DNHD1: variants seen among roughly 807,000 people sequenced by gnomAD.
DNHD1 encodes dynein heavy chain domain 1.
DNHD1 carries 383 observed loss-of-function variants against 458.1 expected under a neutral mutation model. The ratio of observed to expected loss-of-function variants is 0.84; its 90% CI spans 0.77 to 0.91. The LOEUF (loss-of-function observed/expected upper bound fraction) is 0.91. Among genes scored for constraint, DNHD1 ranks in the 40% least tolerant of loss-of-function variants. The pLI, the probability that DNHD1 is intolerant of heterozygous loss-of-function variation, is 0.00. For synonymous variants in DNHD1, 2,203 were observed against 2,376.9 expected, an observed-to-expected ratio of 0.93 and a Z score of 2.13; for missense variants, 5,336 against 5,866.1, an observed-to-expected ratio of 0.91 and a Z score of 2.95.
Position 6,524,640 on chromosome 11 carries a change from T to A in DNHD1, c.1838-3882T>A, listed in dbSNP as rs1306610915. On this transcript the variant is annotated intron_variant, in intron 10 of 42. Coordinates refer to ENST00000254579, the MANE Select transcript of DNHD1 (RefSeq NM_144666.3). ...GCTATGGCAAGGGGATGTGTCATGGTGCAAAATAACTGGCTTTTAGCTATA... is the reference window on the plus strand; with the variant it reads ...GCTATGGCAAGGGGATGTGTCATGGAGCAAAATAACTGGCTTTTAGCTATA... Among the ~76,000 whole-genome samples the A allele has an allele frequency of 2.6e-5, 4 of 152,346 alleles. No homozygotes were observed. The South Asian group carries it at 8.3e-4, about 32-fold the overall frequency.
chr11:6,528,689 G>T lies in DNHD1; in HGVS notation c.2005G>T (p.Gly669Cys). The change falls in exon 11 of 43, where the codon GGC (glycine) becomes TGC (cysteine). Residue 669 changes from glycine (G) to cysteine (C), a missense_variant. Transcript: ENST00000254579. ...ILEVRGCRLR[G>C]QYFPHNYKQL... ...GGAGGTCCGTGGATGTCGGCTGCGG[G>T]GCCAATACTTCCCCCACAATTATAA... The T allele has an allele frequency of 2.2e-5, 34 of 1,551,686 alleles. No homozygotes were observed. Among genetic ancestry groups the T allele is most frequent in the Non-Finnish European group, 3.0e-5 (34 of 1,146,992 alleles).
At chr11:6,520,343 C>T (rs1852581148) in intron 10 of DNHD1, 54 bp downstream of exon 10, 1 of 1,551,160 alleles carries the variant, frequency 6.4e-7, no homozygotes, top group East Asian at 2.4e-5. Context: ...GGAAAGGGCA[C>T]AAGTACTAAT....
In DNHD1 at chr11:6,511,438, C is replaced by G. The variant is rs144297192; in HGVS notation, c.1392+9C>G. ...CATCCATTCTTCGACTGGTAAGAGG[C>G]TCTTAGTTTATTGTGGACCTCTTCC... is the stretch of plus-strand genomic sequence containing the variant. On this transcript the variant is annotated intron_variant, in intron 7 of 42. Coordinates refer to ENST00000254579, the MANE Select transcript of DNHD1 (RefSeq NM_144666.3). The G allele has an allele frequency of 1.9e-3, 3,142 of 1,613,256 alleles. 49 individuals carry two copies. The African/African-American group carries it at 0.036, about 18-fold the overall frequency.
intron 12 of DNHD1, among the ~76,000 whole-genome samples, chr11:6,530,876 C>T (rs116736010): frequency 0.013 from 2,040 of 152,278 alleles, 53 homozygotes; most frequent in African/African-American, 0.047. Flanking sequence ...TTGTTAGCTT[C>T]CTGATCCTCA....
intron 3 of DNHD1, among the ~76,000 whole-genome samples, chr11:6,501,648 T>G (rs904370805): frequency 9.9e-5 from 15 of 151,912 alleles, no homozygotes; most frequent in African/African-American, 3.6e-4. Context: ...AGGGCTTGCA[T>G]GGGGTTAGGG....
intron 12 of DNHD1, among the ~76,000 whole-genome samples, chr11:6,530,524 G>C (rs1011538339): frequency 6.6e-6 from 1 of 152,164 alleles, no homozygotes; most frequent in Non-Finnish European, 1.5e-5. Context: ...CCTCAAGGAT[G>C]GCAATAGCCA....
rs553075542 is a variant in DNHD1, at chr11:6,571,450, G to A, written c.13911+27G>A. 3.9e-6 allele frequency: 6 copies of A among 1,545,284 alleles called. No homozygotes were observed. In the Admixed American group the frequency reaches 7.6e-5, roughly 19 times the overall value. Reference sequence around the variant, plus strand: ...TATCTTCGCGCCGCCCCTCGTTCGCGGTTCCAGTCCCCTCGAAGTCTCTAA... The same window carrying A: ...TATCTTCGCGCCGCCCCTCGTTCGCAGTTCCAGTCCCCTCGAAGTCTCTAA... On this transcript the variant is annotated intron_variant, in intron 42 of 42. Coordinates refer to ENST00000254579, the MANE Select transcript of DNHD1 (RefSeq NM_144666.3). The surrounding 1 kb of genome is among the most constrained non-coding windows in gnomAD (Gnocchi z 5.0).
At chr11:6,550,684 A>C (rs1465191844) in intron 24 of DNHD1, among the ~76,000 whole-genome samples, 1 of 152,218 alleles carries the variant, frequency 6.6e-6, no homozygotes, top group South Asian at 2.1e-4. Context: ...TTAATGCAAA[A>C]TATTTACTAC....
At position 6,548,479 on chromosome 11, in the gene DNHD1, G is replaced by T; in HGVS notation, c.7098+77G>T. On this transcript the variant is annotated intron_variant, in intron 23 of 42. Coordinates refer to ENST00000254579, the MANE Select transcript of DNHD1 (RefSeq NM_144666.3). This position sits in a 1 kb window ranked among gnomAD's most constrained non-coding sequence, Gnocchi z 4.4. ...AGGGGTAATCCATGTTCAAAGATCA[G>T]CTGAGGCCCACTTGCTCCCTTTCTT... 1 of 1,487,012 alleles carries T rather than the reference G, an allele frequency of 6.7e-7. No individual in the cohort carries two copies. 92.1% of individuals were successfully genotyped at this position (1,487,012 alleles called of 1,614,324 possible).
chr11:6,538,683 G>T lies in DNHD1; in HGVS notation c.3198G>T (p.Leu1066=). ...LTEAARMSTT[L]ELHSPVLQHC... ...AGGCAGCACGGATGAGCACAACCCTGGAGCTGCACAGCCCCGTGCTGCAGC... is the reference window on the plus strand; with the variant it reads ...AGGCAGCACGGATGAGCACAACCCTTGAGCTGCACAGCCCCGTGCTGCAGC... The change falls in exon 16 of 43, where the codon CTG becomes CTT. Residue 1066 remains leucine (L), a synonymous_variant. Coordinates refer to ENST00000254579, the MANE Select transcript of DNHD1 (RefSeq NM_144666.3). 1 of 1,549,778 alleles carries T rather than the reference G, an allele frequency of 6.5e-7. No individual in the cohort carries two copies. The highest frequency in any genetic ancestry group is 8.7e-7 in the Non-Finnish European group (1 of 1,145,692).
rs572450379 is a variant in DNHD1 at position 6,541,527 on chromosome 11, A to G, written c.3628+1444A>G. Among the ~76,000 whole-genome samples, 47 of 152,328 alleles carry G rather than the reference A, an allele frequency of 3.1e-4. 1 individual carries two copies. Among genetic ancestry groups the G allele is most frequent in the African/African-American group, 1.1e-3 (45 of 41,560 alleles). ...GGCTTTAGTCCGTACATTTGATGGT[A>G]AGAATGGGGAGCATGAATAAAAGAG... On this transcript the variant is annotated intron_variant, in intron 18 of 42. Transcript: ENST00000254579.
At chr11:6,528,103 TC>T (rs777402870) in intron 10 of DNHD1, among the ~76,000 whole-genome samples, 5 of 152,144 alleles carry the variant, frequency 3.3e-5, no homozygotes, top group Non-Finnish European at 7.3e-5. Context: ...GCGTATGCCA[TC>T]CGTTCTGTGG....
intron 7 of DNHD1, among the ~76,000 whole-genome samples, chr11:6,513,659 A>G (rs1330396106): frequency 1.3e-5 from 2 of 152,196 alleles, no homozygotes; most frequent in African/African-American, 4.8e-5. Context: ...ATTATGAATA[A>G]CACTGCTGTG....
At chr11:6,510,510 C>T (rs1181162210) in intron 6 of DNHD1, among the ~76,000 whole-genome samples, 6 of 152,174 alleles carry the variant, frequency 3.9e-5, no homozygotes, top group Non-Finnish European at 8.8e-5. Flanking sequence ...CCAGTCTGGC[C>T]TAATCATCAT....
Position 6,521,397 on chromosome 11 carries a change from C to G in DNHD1, c.1837+1108C>G, listed in dbSNP as rs545439528. Among the ~76,000 whole-genome samples the G allele has an allele frequency of 2.1e-4, 32 of 152,244 alleles. No homozygotes were observed. The East Asian group carries it at 3.5e-3, about 17-fold the overall frequency. On this transcript the variant is annotated intron_variant, in intron 10 of 42. Transcript: ENST00000254579. ...AAAAGGAGCAAAAAACAACCTCTTG[C>G]ATTTTTATTCTAAATTCTAGTGAAG...
chr11:6,568,965 C>T (rs993145529), intron 39 of DNHD1, 99 bp downstream of exon 39: 10 of 1,343,450 alleles, frequency 7.4e-6, no homozygotes, highest in Middle Eastern at 2.1e-4. Flanking sequence ...TCTTTGGAAG[C>T]TCCAAAGAGC....
In DNHD1 at chr11:6,571,175, T is replaced by C; in HGVS notation, c.13663T>C (p.Leu4555=). 6.2e-7 allele frequency: 1 copy of C among 1,604,538 alleles called. No homozygotes were observed. Among genetic ancestry groups the C allele is most frequent in the Non-Finnish European group, 8.5e-7 (1 of 1,175,548 alleles). Residue 4555 remains leucine (L), a synonymous_variant, in exon 42 of 43, where the codon TTG becomes CTG. Coordinates refer to ENST00000254579, the MANE Select transcript of DNHD1 (RefSeq NM_144666.3). This position sits in a 1 kb window ranked among gnomAD's most constrained non-coding sequence, Gnocchi z 5.0. The part of the protein sequence containing the change: ...PQPPWHWLRQ[L]SRRGQLLVRY... ...GCCGCCCTGGCACTGGCTGCGACAG[T>C]TGTCGCGCCGTGGGCAACTGTTGGT...
Position 6,571,492 on chromosome 11 carries a change from C to A in DNHD1, c.13911+69C>A. ...AGTCTCTAATTACACCTCGCAGTTA[C>A]CCCTTCTTGGTGATCTTGCCCCCGG... On this transcript the variant is annotated intron_variant, in intron 42 of 42. Transcript: ENST00000254579. The surrounding 1 kb of genome is among the most constrained non-coding windows in gnomAD (Gnocchi z 5.0). 6.8e-7 allele frequency: 1 copy of A among 1,478,736 alleles called. No individual in the cohort carries two copies. The allele number at this position is 1,478,736 out of a possible 1,614,324, so 91.6% of individuals were successfully genotyped here.
At chr11:6,509,375 T>A in intron 6 of DNHD1, 103 bp downstream of exon 6, 1 of 1,057,966 alleles carries the variant, frequency 9.5e-7, no homozygotes, top group Non-Finnish European at 1.3e-6. Flanking sequence ...AAAAAAGCAC[T>A]AAGAAAAAAC....
Sources: allele counts gnomAD v4.1 joint callset (sites outside exome capture counted in the v4.1 genomes callset), GRCh38; gene constraint gnomAD v4.1.1; non-coding constraint Gnocchi (gnomAD v3.1); transcripts MANE v1.5; gene names NCBI Gene and HGNC (gene_info 2026-07-23, HGNC 2026-07-21).